PARP11: variants seen among roughly 807,000 people sequenced by gnomAD.
PARP11 encodes the protein protein mono-ADP-ribosyltransferase PARP11.
A neutral mutation model predicts 42.9 loss-of-function variants in PARP11; 31 were observed. The ratio of observed to expected loss-of-function variants is 0.72; its 90% CI spans 0.54 to 0.98. The LOEUF (loss-of-function observed/expected upper bound fraction) is 0.98, where lower values mean the gene tolerates loss of function less well. PARP11 is among the 50% of genes least tolerant of loss of function. PARP11 has a pLI of 0.00. For synonymous variants in PARP11, 137 were observed against 127.3 expected (o/e 1.08, Z -0.51); for missense variants, 365 against 413.1 (o/e 0.88, Z 1.01).
intron 1 of PARP11, among the ~76,000 whole-genome samples, chr12:3,839,083 C>A (rs1366655238): frequency 6.6e-6 from 1 of 151,966 alleles, no homozygotes. Context: ...GAGGAGGCGG[C>A]CGCGTACGGA....
chr12:3,829,799 A>T, intron 2 of PARP11, 91 bp downstream of exon 2: 3 of 1,213,796 alleles, frequency 2.5e-6, no homozygotes, highest in Non-Finnish European at 3.4e-6. Context: ...TTTGACTTCA[A>T]GTTCTATATT....
intron 1 of PARP11, among the ~76,000 whole-genome samples, chr12:3,844,650 A>T (rs969520891): frequency 3.3e-5 from 5 of 152,224 alleles, no homozygotes; most frequent in African/African-American, 4.8e-5. Flanking sequence ...ATTGAGTAAC[A>T]GAATATATAG....
intron 6 of PARP11, 106 bp downstream of exon 6, chr12:3,821,767 A>C: frequency 8.2e-7 from 1 of 1,220,966 alleles, no homozygotes; most frequent in Non-Finnish European, 1.2e-6. Context: ...CGGCAAGAGA[A>C]AAACAGCATG....
At chr12:3,828,835 T>C in intron 3 of PARP11, 75 bp downstream of exon 3, 7 of 1,331,692 alleles carry the variant, frequency 5.3e-6, no homozygotes, top group Non-Finnish European at 6.3e-6. Context: ...TATCAACTAA[T>C]CCTGACCTTC....
chr12:3,852,084 A>G (rs1453079846), intron 1 of PARP11, among the ~76,000 whole-genome samples: 1 of 152,232 alleles, frequency 6.6e-6, no homozygotes, highest in Non-Finnish European at 1.5e-5. Context: ...AAGGAATAGC[A>G]TCAACACCAA....
Position 3,840,604 on chromosome 12 carries a change from G to T in PARP11, c.19-10586C>A. ...TGAGGATTCTGATCACACAAGTCGA[G>T]AATCTAACTATTGCTACTTCTCAGA... is the stretch of plus-strand genomic sequence containing the variant. On this transcript the variant is annotated intron_variant, in intron 1 of 7. Transcript: ENST00000228820. The surrounding 1 kb of genome is among the most constrained non-coding windows in gnomAD (Gnocchi z 4.4). The T allele has an allele frequency of 7.4e-7, 1 of 1,344,940 alleles. No homozygotes were observed. Among genetic ancestry groups the T allele is most frequent in the Non-Finnish European group, 1.1e-6 (1 of 934,706 alleles). The allele number at this position is 1,344,940 out of a possible 1,614,324, so 83.3% of individuals were successfully genotyped here.
chr12:3,814,512 G>T (rs1947247003), intron 6 of PARP11, among the ~76,000 whole-genome samples: 1 of 152,154 alleles, frequency 6.6e-6, no homozygotes, highest in Non-Finnish European at 1.5e-5. Flanking sequence ...GCCTAAAAAT[G>T]AGACAACAAA....
chr12:3,812,151 T>C lies in PARP11; in HGVS notation c.989A>G (p.Tyr330Cys), dbSNP rs1370477086. 3 of 1,613,560 alleles carry C rather than the reference T, an allele frequency of 1.9e-6. No individual in the cohort carries two copies. Among genetic ancestry groups the C allele is most frequent in the Admixed American group, 1.7e-5 (1 of 59,976 alleles). ...ATGAAAGTCTATCAAGTACTCAGGATAGATTTGGTTGGCATCAAAAACCAC... is the reference window on the plus strand; with the variant it reads ...ATGAAAGTCTATCAAGTACTCAGGACAGATTTGGTTGGCATCAAAAACCAC... ...IFVVFDANQI[Y>C]PEYLIDFH The change falls in exon 8 of 8, where the codon TAT becomes TGT. Residue 330 changes from tyrosine (Y) to cysteine (C), a missense_variant. Transcript: ENST00000228820.
rs539962296 is a variant in PARP11 at position 3,856,255 on chromosome 12, A to T, written c.18+16957T>A. On this transcript the variant is annotated intron_variant, in intron 1 of 7. Coordinates refer to ENST00000228820, the MANE Select transcript of PARP11 (RefSeq NM_020367.6). ...TAAAACACCAAAAGCAGTGGCAACA[A>T]AAGCCAAAATAGACAAATGGGATCT... Among the ~76,000 whole-genome samples, 304 of 152,346 alleles carry T rather than the reference A, an allele frequency of 2.0e-3. 2 individuals carry two copies. Among genetic ancestry groups the T allele is most frequent in the South Asian group, 5.2e-3 (25 of 4,820 alleles).
intron 1 of PARP11, chr12:3,842,600 A>T: frequency 1.1e-6 from 1 of 928,740 alleles, no homozygotes; most frequent in Non-Finnish European, 1.7e-6. Flanking sequence ...TAAAGTAAAA[A>T]CCCCAGTTGG....
chr12:3,834,075 C>T (rs1019495250), intron 1 of PARP11, among the ~76,000 whole-genome samples: 2 of 152,194 alleles, frequency 1.3e-5, no homozygotes, highest in African/African-American at 4.8e-5. Flanking sequence ...GCCACCGCCC[C>T]AACTTCCTCC....
At chr12:3,868,990 C>T (rs899573241) in intron 1 of PARP11, among the ~76,000 whole-genome samples, 3 of 152,140 alleles carry the variant, frequency 2.0e-5, no homozygotes, top group Admixed American at 1.3e-4. Flanking sequence ...AATCTATTTC[C>T]GTGGTTTTTC....
At chr12:3,862,656 T>C (rs1343929242) in intron 1 of PARP11, among the ~76,000 whole-genome samples, 1 of 151,404 alleles carries the variant, frequency 6.6e-6, no homozygotes, top group Non-Finnish European at 1.5e-5. Flanking sequence ...TTCATTTTTC[T>C]GCATATGGGT....
At chr12:3,845,039 T>G (rs546653499) in intron 1 of PARP11, among the ~76,000 whole-genome samples, 2 of 146,984 alleles carry the variant, frequency 1.4e-5, no homozygotes, top group Non-Finnish European at 3.0e-5. Context: ...TTGGAAATTA[T>G]GAAACTTCAC....
At position 3,840,837 on chromosome 12, in the gene PARP11, C is replaced by T. The variant is rs1947871271; in HGVS notation, c.19-10819G>A. On this transcript the variant is annotated intron_variant, in intron 1 of 7. Transcript: ENST00000228820. This position sits in a 1 kb window ranked among gnomAD's most constrained non-coding sequence, Gnocchi z 4.4. ...CATCAAAGTCAAAGAAGTTAGAGTGCCCTTCTCCTGCAGAACAAAAGCCAG... is the reference window on the plus strand; with the variant it reads ...CATCAAAGTCAAAGAAGTTAGAGTGTCCTTCTCCTGCAGAACAAAAGCCAG... The T allele has an allele frequency of 2.5e-6, 4 of 1,595,686 alleles. No homozygotes were observed. In the South Asian group the frequency reaches 3.3e-5, roughly 13 times the overall value.
intron 4 of PARP11, among the ~76,000 whole-genome samples, chr12:3,822,429 T>C (rs1228139609): frequency 7.0e-6 from 1 of 143,236 alleles, no homozygotes; most frequent in Non-Finnish European, 1.5e-5. Context: ...AAACCCCGTC[T>C]CTACTAAAAA....
chr12:3,852,402 G>A (rs143597749), intron 1 of PARP11, among the ~76,000 whole-genome samples: 11,893 of 152,138 alleles, frequency 0.078, 1,024 homozygotes, highest in African/African-American at 0.21. Flanking sequence ...AAGATTAGAC[G>A]AATGGCTAAC....
At chr12:3,838,366 G>A (rs1287164933) in intron 1 of PARP11, among the ~76,000 whole-genome samples, 1 of 151,916 alleles carries the variant, frequency 6.6e-6, no homozygotes, top group Admixed American at 6.6e-5. Flanking sequence ...AGCCAATGAA[G>A]AAATTAAGAA....
At chr12:3,867,076 T>C (rs1477967363) in intron 1 of PARP11, among the ~76,000 whole-genome samples, 1 of 152,228 alleles carries the variant, frequency 6.6e-6, no homozygotes, top group Non-Finnish European at 1.5e-5. Flanking sequence ...ACAGTTTTTA[T>C]TTAGACAATG....
Sources: gnomAD v4.1 joint callset for allele counts (sites outside exome capture counted in the v4.1 genomes callset) on GRCh38, gnomAD v4.1.1 for gene constraint, Gnocchi (gnomAD v3.1) non-coding constraint, MANE v1.5 for transcripts, NCBI Gene and HGNC (gene_info 2026-07-23, HGNC 2026-07-21) for gene names.